Variants in FAM135B observed in about 807,000 individuals in gnomAD.
FAM135B encodes family with sequence similarity 135 member B, also known as protein FAM135B.
Under a neutral mutation model 127.7 loss-of-function variants are expected in FAM135B, and 43 were observed. That is an observed-to-expected ratio of 0.34 (90% CI 0.26 to 0.43). The LOEUF (loss-of-function observed/expected upper bound fraction) is 0.43. FAM135B is among the 20% of genes least tolerant of loss of function. The pLI is 1.00. For missense variants in FAM135B, 1,558 were observed against 1,725.6 expected, an observed-to-expected ratio of 0.90 and a Z score of 1.72; for synonymous variants, 670 against 665.1, an observed-to-expected ratio of 1.01 and a Z score of -0.11.
intron 9 of FAM135B, among the ~76,000 whole-genome samples, chr8:138,180,196 A>G (rs1382620812): frequency 1.3e-5 from 2 of 152,190 alleles, no homozygotes; most frequent in Non-Finnish European, 2.9e-5. Context: ...GCCAGTTGCC[A>G]AAGCCTGTCA....
chr8:138,375,250 T>A (rs1053353825), intron 1 of FAM135B, among the ~76,000 whole-genome samples: 28 of 121,972 alleles, frequency 2.3e-4, no homozygotes, highest in Non-Finnish European at 3.7e-4. Flanking sequence ...AAATATGAGC[T>A]GATTGTTTTG....
chr8:138,406,982 C>T (rs79600424), intron 1 of FAM135B, among the ~76,000 whole-genome samples: 124 of 150,490 alleles, frequency 8.2e-4, no homozygotes, highest in African/African-American at 2.4e-3. Flanking sequence ...TGTTTGCAGA[C>T]GACATGATTG....
chr8:138,267,090 T>A (rs1217734029), intron 3 of FAM135B, among the ~76,000 whole-genome samples: 1 of 152,196 alleles, frequency 6.6e-6, no homozygotes, highest in Non-Finnish European at 1.5e-5. Context: ...ATGCATATCT[T>A]TCACCAATGT....
intron 14 of FAM135B, among the ~76,000 whole-genome samples, chr8:138,146,829 T>C (rs892800115): frequency 3.3e-5 from 5 of 152,236 alleles, no homozygotes; most frequent in Admixed American, 2.0e-4. Flanking sequence ...AAGTTCCCTG[T>C]ACAGTTGAAA....
intron 9 of FAM135B, among the ~76,000 whole-genome samples, chr8:138,181,018 A>G (rs992143805): frequency 6.6e-6 from 1 of 151,922 alleles, no homozygotes; most frequent in Non-Finnish European, 1.5e-5. Flanking sequence ...AGGCAGGCGG[A>G]TCACGAGGTC....
At chr8:138,150,468 G>A (rs1818029526) in intron 13 of FAM135B, among the ~76,000 whole-genome samples, 1 of 152,104 alleles carries the variant, frequency 6.6e-6, no homozygotes, top group Non-Finnish European at 1.5e-5. Flanking sequence ...AAGAGATCGA[G>A]ACCATCCTAG....
Position 138,152,265 on chromosome 8 carries a change from G to C in FAM135B, c.2210C>G (p.Thr737Arg), listed in dbSNP as rs2130762887. The change falls in exon 13 of 20, where the codon ACA (threonine) becomes AGA (arginine). Residue 737 changes from threonine (T) to arginine (R), a missense_variant. This residue lies in a region of FAM135B where 923 missense variants were observed against 865.3 expected (regional missense o/e 1.07). Coordinates refer to ENST00000395297, the MANE Select transcript of FAM135B (RefSeq NM_015912.4). Reference protein sequence around the residue: ...SLEGGHTESNTSLPSGIQASL... With the variant: ...SLEGGHTESNRSLPSGIQASL... The stretch of plus-strand genomic sequence containing the variant: ...AGCCTGGATGCCGCTTGGCAAACTT[G>C]TGTTACTTTCTGTGTGTCCACCCTC... The C allele has an allele frequency of 1.2e-6, 2 of 1,614,118 alleles. No homozygotes were observed. Among genetic ancestry groups the C allele is most frequent in the Non-Finnish European group, 1.7e-6 (2 of 1,180,030 alleles).
intron 7 of FAM135B, among the ~76,000 whole-genome samples, chr8:138,215,243 T>TA (rs1408335462): frequency 6.6e-6 from 1 of 152,150 alleles, no homozygotes; most frequent in Admixed American, 6.5e-5. Context: ...ACCTTATCTG[T>TA]AAAATGAGGG....
At chr8:138,355,681 G>A (rs551676330) in intron 2 of FAM135B, among the ~76,000 whole-genome samples, 37 of 152,238 alleles carry the variant, frequency 2.4e-4, no homozygotes, top group African/African-American at 8.7e-4. Flanking sequence ...ACCCTGGCAG[G>A]TGCCAAGCAG....
chr8:138,309,268 A>T (rs1826486030), intron 3 of FAM135B, among the ~76,000 whole-genome samples: 1 of 152,060 alleles, frequency 6.6e-6, no homozygotes, highest in Admixed American at 6.6e-5. Flanking sequence ...GAAGCACAGG[A>T]TGATAGGAAA....
intron 2 of FAM135B, among the ~76,000 whole-genome samples, chr8:138,344,196 CA>C (rs1489375326): frequency 6.6e-6 from 1 of 152,160 alleles, no homozygotes; most frequent in Non-Finnish European, 1.5e-5. Context: ...TGAGGATTTA[CA>C]AAAGATAAGA....
At chr8:138,326,901 AATT>A (rs1409211687) in intron 2 of FAM135B, among the ~76,000 whole-genome samples, 1 of 152,114 alleles carries the variant, frequency 6.6e-6, no homozygotes, top group African/African-American at 2.4e-5. Context: ...ACTGTAATTT[AATT>A]ATTATTATAA....
At chr8:138,248,782 T>G (rs1821480821) in intron 6 of FAM135B, among the ~76,000 whole-genome samples, 1 of 146,412 alleles carries the variant, frequency 6.8e-6, no homozygotes, top group Non-Finnish European at 1.5e-5. Flanking sequence ...TTTGCATCAC[T>G]GCACTCTAGC....
chr8:138,195,172 C>G, intron 9 of FAM135B, 86 bp downstream of exon 9: 1 of 1,338,776 alleles, frequency 7.5e-7, no homozygotes. Context: ...CTTTTCACTT[C>G]TGTTTTTTAC....
rs1040575850 is a variant in FAM135B at position 138,475,076 on chromosome 8, G to C, written c.-20+21595C>G. On this transcript the variant is annotated intron_variant, in intron 1 of 19. Transcript: ENST00000395297. ...TTTGCTGTTTTTTGCTTCTAGGTTA[G>C]TGAAAAATATACAGTTTGAAAGTAT... 6.3e-5 allele frequency among the ~76,000 whole-genome samples: 9 copies of C among 142,822 alleles called. No individual in the cohort carries two copies. In the East Asian group the frequency reaches 2.0e-3, roughly 32 times the overall value. 93.7% of individuals were successfully genotyped at this position (142,822 alleles called of 152,430 possible).
At chr8:138,307,010 G>A (rs1396158198) in intron 3 of FAM135B, among the ~76,000 whole-genome samples, 2 of 152,158 alleles carry the variant, frequency 1.3e-5, no homozygotes, top group Non-Finnish European at 2.9e-5. Flanking sequence ...GTCCATCGAT[G>A]TCCATCTTCC....
intron 1 of FAM135B, among the ~76,000 whole-genome samples, chr8:138,476,819 C>G (rs539247064): frequency 1.3e-5 from 2 of 152,286 alleles, no homozygotes; most frequent in African/African-American, 4.8e-5. Flanking sequence ...AGATATATCA[C>G]TTAAACAAAA....
At chr8:138,260,218 A>C (rs1039046134) in intron 4 of FAM135B, among the ~76,000 whole-genome samples, 2 of 152,248 alleles carry the variant, frequency 1.3e-5, no homozygotes, top group African/African-American at 4.8e-5. Context: ...TTTACTCATA[A>C]CTTTTGTTAA....
intron 1 of FAM135B, among the ~76,000 whole-genome samples, chr8:138,446,393 G>C (rs946234814): frequency 2.0e-5 from 3 of 151,838 alleles, no homozygotes; most frequent in African/African-American, 7.3e-5. Flanking sequence ...CACGCTACCT[G>C]ACTTCAAACT....
Sources: allele counts gnomAD v4.1 joint callset (sites outside exome capture counted in the v4.1 genomes callset), GRCh38; gene constraint gnomAD v4.1.1; regional missense constraint gnomAD v4.1.1; transcripts MANE v1.5; gene names NCBI Gene and HGNC (gene_info 2026-07-23, HGNC 2026-07-21).